PRAG1: variants seen among roughly 807,000 people sequenced by gnomAD.
The protein encoded by PRAG1 is PEAK1 related, kinase-activating pseudokinase 1, also known as inactive tyrosine-protein kinase PRAG1.
A neutral mutation model predicts 95.6 loss-of-function variants in PRAG1; 110 were observed. That is an observed-to-expected ratio of 1.15 (90% CI 0.99 to 1.35). The LOEUF (loss-of-function observed/expected upper bound fraction) is 1.35, where lower values mean the gene tolerates loss of function less well. Ranked by LOEUF, PRAG1 falls within the 40% of genes most tolerant of loss-of-function variation. The pLI, the probability that PRAG1 is intolerant of heterozygous loss-of-function variation, is 0.00. For synonymous variants in PRAG1, 1,052 were observed against 819.4 expected (o/e 1.28, Z -4.85); for missense variants, 2,554 against 1,864.7 (o/e 1.37, Z -6.81).
chr8:8,381,931 G>C, intron 1 of PRAG1, 97 bp from the exon 2 acceptor site: 1 of 542,670 alleles, frequency 1.8e-6, no homozygotes, highest in Non-Finnish European at 3.2e-6. Flanking sequence ...GGGAGAAGGA[G>C]GAGAAAAAGG....
At chr8:8,358,549 C>T (rs1056538029) in intron 3 of PRAG1, among the ~76,000 whole-genome samples, 8 of 152,096 alleles carry the variant, frequency 5.3e-5, no homozygotes, top group Non-Finnish European at 1.2e-4. Flanking sequence ...GGCTGCCAGC[C>T]CTCAGTCAAT....
chr8:8,365,554 T>C (rs752150649), intron 3 of PRAG1, among the ~76,000 whole-genome samples: 17 of 141,408 alleles, frequency 1.2e-4, no homozygotes, highest in Non-Finnish European at 1.9e-4. Flanking sequence ...AGCCCAGGAG[T>C]TGGAGGTTGT....
chr8:8,371,862 C>A (rs1048291731), intron 3 of PRAG1, among the ~76,000 whole-genome samples: 1 of 152,138 alleles, frequency 6.6e-6, no homozygotes, highest in Non-Finnish European at 1.5e-5. Flanking sequence ...GAGATTCTGT[C>A]TCAAAACGAA....
intron 3 of PRAG1, among the ~76,000 whole-genome samples, chr8:8,368,227 T>C (rs748513418): frequency 9.9e-5 from 15 of 152,226 alleles, no homozygotes; most frequent in Non-Finnish European, 1.6e-4. Flanking sequence ...TAAAGTAGCC[T>C]TCGGCCTGGA....
chr8:8,328,100 C>G lies in PRAG1; in HGVS notation c.2682G>C (p.Pro894=). 1 of 1,611,630 alleles carries G rather than the reference C, an allele frequency of 6.2e-7. No individual in the cohort carries two copies. Among genetic ancestry groups the G allele is most frequent in the South Asian group, 1.1e-5 (1 of 90,936 alleles). Residue 894 remains proline, a synonymous_variant, in exon 5 of 6, where the codon CCG becomes CCC. Transcript: ENST00000615670. ...CTCTGTTGCCCGCCAGCCCTGCTGC[C>G]GGAAGCCAGTGGCCACTGCCTTTGA... The part of the protein sequence containing the change: ...KAFKGSGHWL[P]AAGLAGNRGG...
chr8:8,336,052 T>G (rs1435549051), intron 4 of PRAG1, among the ~76,000 whole-genome samples: 1 of 152,190 alleles, frequency 6.6e-6, no homozygotes, highest in Non-Finnish European at 1.5e-5. Flanking sequence ...GCTATAAAAA[T>G]AAGAATGGTA....
intron 4 of PRAG1, among the ~76,000 whole-genome samples, chr8:8,339,040 A>G (rs1198083363): frequency 3.3e-5 from 5 of 152,184 alleles, no homozygotes; most frequent in African/African-American, 1.2e-4. Context: ...AACATTATGT[A>G]AACATCTGCT....
In PRAG1 at chr8:8,381,564, G is replaced by A. The variant is rs575940469; in HGVS notation, c.184C>T (p.Pro62Ser). 1.2e-6 allele frequency: 2 copies of A among 1,614,098 alleles called. No individual in the cohort carries two copies. The highest frequency in any genetic ancestry group is 1.3e-5 in the African/African-American group (1 of 74,938). ...GSLPPPPRLPPRPENCRLEDE... is the reference protein window; with the variant it reads ...GSLPPPPRLPSRPENCRLEDE... ...TCCAGGCGGCAGTTCTCAGGCCTGG[G>A]AGGCAGGCGCGGTGGAGGGGGCAGG... Residue 62 changes from proline to serine, a missense_variant, in exon 2 of 6, where the codon CCC (proline) becomes TCC (serine). Pro to Ser is a moderately conservative substitution (Grantham distance 74). Transcript: ENST00000615670.
intron 3 of PRAG1, among the ~76,000 whole-genome samples, chr8:8,343,919 G>C: frequency 6.6e-6 from 1 of 151,956 alleles, no homozygotes. Context: ...TTTAAAAAAT[G>C]TAAAATAAAT....
intron 2 of PRAG1, among the ~76,000 whole-genome samples, chr8:8,378,663 G>A (rs188805088): frequency 9.4e-4 from 143 of 152,016 alleles, no homozygotes; most frequent in East Asian, 2.7e-3. Flanking sequence ...AGTTCAAGAC[G>A]AGCCTGGGCA....
chr8:8,329,073 A>T (rs1463873420), intron 4 of PRAG1, among the ~76,000 whole-genome samples: 1 of 152,126 alleles, frequency 6.6e-6, no homozygotes, highest in African/African-American at 2.4e-5. Flanking sequence ...TCAGGTTTAT[A>T]GAGGGTGTAA....
At chr8:8,382,401 G>A (rs757498267) in intron 1 of PRAG1, among the ~76,000 whole-genome samples, 3 of 152,350 alleles carry the variant, frequency 2.0e-5, no homozygotes, top group Non-Finnish European at 4.4e-5. Flanking sequence ...TGGGAAACGG[G>A]AGAAGTGGGG....
In PRAG1 at chr8:8,318,945, G is replaced by T; in HGVS notation, c.3430C>A (p.Arg1144=). Residue 1144 remains arginine, a synonymous_variant, in exon 6 of 6, where the codon CGG becomes AGG. Coordinates refer to ENST00000615670, the MANE Select transcript of PRAG1 (RefSeq NM_001080826.3). This position sits in a 1 kb window ranked among gnomAD's most constrained non-coding sequence, Gnocchi z 4.2. ...AGCAGGTTCTCCAGGCACAGGTCCC[G>T]GTGGATGATCCCGTGCTCCTTCAGG... The part of the protein sequence containing the change: ...EHLKEHGIIH[R]DLCLENLLLV... 6.2e-7 allele frequency: 1 copy of T among 1,612,650 alleles called. No homozygotes were observed. Among genetic ancestry groups the T allele is most frequent in the Admixed American group, 1.7e-5 (1 of 59,972 alleles).
chr8:8,353,037 T>C (rs576529044), intron 3 of PRAG1, among the ~76,000 whole-genome samples: 2 of 152,298 alleles, frequency 1.3e-5, no homozygotes, highest in South Asian at 4.1e-4. Flanking sequence ...TAAATACATA[T>C]GTACAAACAT....
Position 8,377,850 on chromosome 8 carries a change from C to T in PRAG1, c.559G>A (p.Ala187Thr). 1.2e-6 allele frequency: 2 copies of T among 1,614,146 alleles called. No individual in the cohort carries two copies. The highest frequency in any genetic ancestry group is 1.7e-6 in the Non-Finnish European group (2 of 1,180,030). Residue 187 changes from alanine (A) to threonine (T), a missense_variant, in exon 3 of 6, where the codon GCT becomes ACT. Transcript: ENST00000615670. ...FHPVSFPEEK[A>T]VHKEKPSFPY... ...AATGAGGGTTTTTCTTTGTGCACAG[C>T]CTTCTCCTCCGGGAAGCTCACCGGG...
intron 3 of PRAG1, among the ~76,000 whole-genome samples, chr8:8,352,831 A>G (rs1799566771): frequency 1.3e-5 from 2 of 152,194 alleles, no homozygotes; most frequent in Admixed American, 1.3e-4. Context: ...AATCCATTTT[A>G]GCTTTAAGGG....
In PRAG1 at chr8:8,328,220, G is replaced by C. The variant is rs1386879312; in HGVS notation, c.2562C>G (p.Thr854=). The C allele has an allele frequency of 2.5e-6, 4 of 1,614,268 alleles. No individual in the cohort carries two copies. In the African/African-American group the frequency reaches 4.0e-5, roughly 16 times the overall value. The change falls in exon 5 of 6, where the codon ACC becomes ACG. Residue 854 remains threonine (T), a synonymous_variant. Transcript: ENST00000615670. ...TAAAGTGAGATTCGTCGTGGACGTT[G>C]GTTTCCGAGTGGCTTAGGTTCAGCT... is the stretch of plus-strand genomic sequence containing the variant. The part of the protein sequence containing the change: ...SPKLNLSHSE[T]NVHDESHFSY...
intron 3 of PRAG1, among the ~76,000 whole-genome samples, chr8:8,361,224 T>C (rs963455962): frequency 1.3e-5 from 2 of 152,138 alleles, no homozygotes. Flanking sequence ...GACCTCTTAG[T>C]AGGGGAGGAA....
Position 8,376,978 on chromosome 8 carries a change from CAT to C in PRAG1, c.1429_1430del (p.Met477GlyfsTer17). 1 of 1,613,678 alleles carries C rather than the reference CAT, an allele frequency of 6.2e-7. No homozygotes were observed. Among genetic ancestry groups the C allele is most frequent in the Non-Finnish European group, 8.5e-7 (1 of 1,179,932 alleles). On this transcript the variant is annotated frameshift_variant, in exon 3 of 6. Transcript: ENST00000615670. LOFTEE classifies it high-confidence loss of function. ...TPQVSATITV[M>X]AAHPEEDHRT... ...GATGGTCCTCTTCCGGGTGGGCCGC[CAT>C]GACTGTGATGGTGGCTGACACCTGG...
Sources: gnomAD v4.1 joint callset for allele counts (sites outside exome capture counted in the v4.1 genomes callset) on GRCh38, gnomAD v4.1.1 for gene constraint, Gnocchi (gnomAD v3.1) non-coding constraint, MANE v1.5 for transcripts, NCBI Gene and HGNC (gene_info 2026-07-23, HGNC 2026-07-21) for gene names.